Variants in CCSER1 observed in about 807,000 individuals in gnomAD.
The protein encoded by CCSER1 is serine-rich coiled-coil domain-containing protein 1.
A neutral mutation model predicts 82.0 loss-of-function variants in CCSER1; 41 were observed. The ratio of observed to expected loss-of-function variants is 0.50; its 90% CI spans 0.39 to 0.65. CCSER1 has a LOEUF of 0.65. CCSER1 is among the 30% of genes least tolerant of loss of function. CCSER1 has a pLI of 0.00. For missense variants in CCSER1, 1,119 were observed against 1,064.2 expected (o/e 1.05, Z -0.72); for synonymous variants, 414 against 383.9 (o/e 1.08, Z -0.92).
chr4:91,222,606 G>A (rs949728056), intron 10 of CCSER1, among the ~76,000 whole-genome samples: 3 of 152,032 alleles, frequency 2.0e-5, no homozygotes, highest in African/African-American at 7.2e-5. Flanking sequence ...CAACTTTAAA[G>A]CCAAATTACT....
intron 7 of CCSER1, among the ~76,000 whole-genome samples, chr4:90,810,988 G>A (rs944522963): frequency 6.6e-5 from 10 of 151,570 alleles, no homozygotes; most frequent in East Asian, 6.0e-4. Flanking sequence ...GCCCACCACC[G>A]CGCCCAACTA....
intron 1 of CCSER1, among the ~76,000 whole-genome samples, chr4:90,234,200 C>T (rs1252315793): frequency 6.6e-6 from 1 of 151,456 alleles, no homozygotes; most frequent in Non-Finnish European, 1.5e-5. Context: ...CTGCGTACCT[C>T]AGCCTCTCTT....
intron 7 of CCSER1, among the ~76,000 whole-genome samples, chr4:90,728,974 TGGG>T (rs1376180997): frequency 6.6e-6 from 1 of 152,114 alleles, no homozygotes; most frequent in Non-Finnish European, 1.5e-5. Context: ...AAAAGAGAAT[TGGG>T]GGCATTAGAA....
chr4:90,601,103 T>C (rs1381193553), intron 5 of CCSER1, among the ~76,000 whole-genome samples: 1 of 152,082 alleles, frequency 6.6e-6, no homozygotes, highest in African/African-American at 2.4e-5. Flanking sequence ...TGCAAATAAA[T>C]ACAGTTTTAT....
At chr4:91,210,199 T>C (rs1363168919) in intron 10 of CCSER1, among the ~76,000 whole-genome samples, 1 of 151,404 alleles carries the variant, frequency 6.6e-6, no homozygotes, top group African/African-American at 2.4e-5. Context: ...TTTATAACAT[T>C]ATAAATTATA....
intron 10 of CCSER1, among the ~76,000 whole-genome samples, chr4:91,162,804 A>T (rs1396274446): frequency 2.0e-5 from 3 of 151,812 alleles, no homozygotes; most frequent in South Asian, 2.1e-4. Context: ...TATTGTGTCT[A>T]TTTGATTATT....
chr4:90,593,733 C>T (rs2048398), intron 5 of CCSER1, among the ~76,000 whole-genome samples: 67,961 of 151,572 alleles, frequency 0.45, 19,349 homozygotes, highest in African/African-American at 0.81. Flanking sequence ...CCTTTACACC[C>T]GAATTCTGCT....
chr4:91,473,137 G>C (rs909926709), intron 10 of CCSER1, among the ~76,000 whole-genome samples: 4 of 152,170 alleles, frequency 2.6e-5, no homozygotes, highest in Non-Finnish European at 4.4e-5. Flanking sequence ...TCCAGACAAA[G>C]TCTGCAGAGC....
intron 10 of CCSER1, among the ~76,000 whole-genome samples, chr4:91,132,302 A>G (rs1728064653): frequency 6.6e-6 from 1 of 152,202 alleles, no homozygotes; most frequent in African/African-American, 2.4e-5. Context: ...ATAAAAACCC[A>G]TACAAGTATA....
chr4:90,545,043 A>G (rs1776595119), intron 5 of CCSER1, among the ~76,000 whole-genome samples: 1 of 152,100 alleles, frequency 6.6e-6, no homozygotes, highest in Non-Finnish European at 1.5e-5. Context: ...CCTGCCAACA[A>G]TTAGCTAGTG....
intron 7 of CCSER1, among the ~76,000 whole-genome samples, chr4:90,729,805 G>A (rs1744372579): frequency 6.6e-6 from 1 of 152,126 alleles, no homozygotes; most frequent in Non-Finnish European, 1.5e-5. Context: ...GAACCCAGGA[G>A]GTGGAGCTTG....
intron 10 of CCSER1, among the ~76,000 whole-genome samples, chr4:91,247,924 C>T (rs1405195092): frequency 2.6e-5 from 4 of 151,742 alleles, no homozygotes; most frequent in Non-Finnish European, 5.9e-5. Context: ...AACCGGGACT[C>T]CTTGGATAAA....
At chr4:90,923,635 C>T (rs1203703513) in intron 9 of CCSER1, 188 bp downstream of exon 9, 5 of 491,870 alleles carry the variant, frequency 1.0e-5, no homozygotes, top group African/African-American at 2.0e-5. Flanking sequence ...CAGGCACCAA[C>T]TGGCATACCA....
intron 6 of CCSER1, among the ~76,000 whole-genome samples, chr4:90,635,736 A>T (rs1242777750): frequency 6.6e-6 from 1 of 151,866 alleles, no homozygotes; most frequent in Non-Finnish European, 1.5e-5. Flanking sequence ...AGTTTATAAT[A>T]ATTTGTTATA....
chr4:90,909,322 A>G (rs893343393), intron 8 of CCSER1, among the ~76,000 whole-genome samples: 3 of 152,152 alleles, frequency 2.0e-5, no homozygotes, highest in African/African-American at 7.2e-5. Context: ...ACGGGCTCCA[A>G]GTAGACATGA....
At chr4:90,443,421 G>A (rs1760186453) in intron 4 of CCSER1, among the ~76,000 whole-genome samples, 1 of 152,130 alleles carries the variant, frequency 6.6e-6, no homozygotes, top group Non-Finnish European at 1.5e-5. Context: ...GTATAGACAA[G>A]GTAGATACAC....
chr4:91,138,835 A>C (rs1728741792), intron 10 of CCSER1, among the ~76,000 whole-genome samples: 3 of 151,974 alleles, frequency 2.0e-5, no homozygotes, highest in Non-Finnish European at 2.9e-5. Context: ...CACATGAAAA[A>C]ATGCTCATCA....
intron 9 of CCSER1, among the ~76,000 whole-genome samples, chr4:91,050,801 T>G (rs1742943882): frequency 6.6e-6 from 1 of 152,202 alleles, no homozygotes; most frequent in African/African-American, 2.4e-5. Context: ...ATTAATTCCC[T>G]TTTGGTGTCA....
chr4:90,750,171 C>T (rs1476173546), intron 7 of CCSER1, among the ~76,000 whole-genome samples: 1 of 151,354 alleles, frequency 6.6e-6, no homozygotes, highest in Admixed American at 6.6e-5. Context: ...TGGTTGAGTT[C>T]GTTGTAGATT....
Sources: gnomAD v4.1 joint callset for allele counts (sites outside exome capture counted in the v4.1 genomes callset) on GRCh38, gnomAD v4.1.1 for gene constraint, MANE v1.5 for transcripts, NCBI Gene and HGNC (gene_info 2026-07-23, HGNC 2026-07-21) for gene names.